The following HERC2 variants were observed in gnomAD, a reference collection of about 807,000 sequenced individuals.
HERC2 encodes the protein HECT and RLD domain containing E3 ubiquitin protein ligase 2.
A neutral mutation model predicts 537.7 loss-of-function variants in HERC2; 102 were observed. That is an observed-to-expected ratio of 0.19 (90% confidence interval 0.16 to 0.22). The LOEUF is 0.22. Ranked by LOEUF, HERC2 falls within the 10% of genes least tolerant of loss-of-function variation. The pLI, the probability that HERC2 is intolerant of heterozygous loss-of-function variation, is 1.00. For missense variants in HERC2, 4,236 were observed against 6,198.2 expected (o/e 0.68, Z 10.63); for synonymous variants, 2,224 against 2,466.2 (o/e 0.90, Z 2.91).
intron 23 of HERC2, among the ~76,000 whole-genome samples, chr15:28,240,315 G>T (rs976470107): frequency 6.6e-6 from 1 of 152,202 alleles, no homozygotes; most frequent in African/African-American, 2.4e-5. Context: ...CTACTCGGGA[G>T]GCTGAGGCAG....
intron 55 of HERC2, 177 bp downstream of exon 55, chr15:28,190,788 G>A: frequency 1.7e-6 from 1 of 604,956 alleles, no homozygotes; most frequent in Non-Finnish European, 2.9e-6. Context: ...GAACTGATAA[G>A]CAGCAAATTC....
chr15:28,144,000 A>G lies in HERC2; in HGVS notation c.11300-9T>C. The stretch of plus-strand genomic sequence containing the variant: ...CATTCTGTGACTGGCAGCTGAAATG[A>G]GCAGAGAGAAAGTATCAGAAGTCTG... On this transcript the variant is annotated splice_polypyrimidine_tract_variant and intron_variant, in intron 73 of 92. Coordinates refer to ENST00000261609, the MANE Select transcript of HERC2 (RefSeq NM_004667.6). The G allele has an allele frequency of 6.2e-7, 1 of 1,614,162 alleles. No individual in the cohort carries two copies. The highest frequency in any genetic ancestry group is 1.1e-5 in the South Asian group (1 of 91,082).
At position 28,167,732 on chromosome 15, in the gene HERC2, C is replaced by T; in HGVS notation, c.10509G>A (p.Leu3503=). The change falls in exon 68 of 93, where the codon CTG becomes CTA. Residue 3503 remains leucine, a synonymous_variant. Coordinates refer to ENST00000261609, the MANE Select transcript of HERC2 (RefSeq NM_004667.6). ...ARPFIPVTDD[L]GAASIIAETM... is the part of the protein sequence containing the mutation. Reference sequence around the variant, plus strand: ...TTTCTGCAATGATGCTTGCGGCTCCCAGGTCATCCGTCACTGGGATAAAAG... The same window carrying T: ...TTTCTGCAATGATGCTTGCGGCTCCTAGGTCATCCGTCACTGGGATAAAAG... 1.9e-6 allele frequency: 3 copies of T among 1,614,170 alleles called. No homozygotes were observed. The highest frequency in any genetic ancestry group is 2.5e-6 in the Non-Finnish European group (3 of 1,180,034).
At chr15:28,227,898 A>G (rs1485130115) in intron 35 of HERC2, among the ~76,000 whole-genome samples, 2 of 152,202 alleles carry the variant, frequency 1.3e-5, no homozygotes, top group African/African-American at 2.4e-5. Flanking sequence ...TGAAATATCC[A>G]GGATATGCAA....
rs140317570 is a variant in HERC2 at position 28,246,680 on chromosome 15, A to G, written c.3391+62T>C. 1.6e-4 allele frequency: 221 copies of G among 1,380,302 alleles called. No homozygotes were observed. The African/African-American group carries it at 3.0e-3, about 19-fold the overall frequency. The allele number at this position is 1,380,302 out of a possible 1,614,324, so 85.5% of individuals were successfully genotyped here. A position where few individuals can be genotyped will look rare whatever the true frequency, so the allele number is the denominator to read the frequency against. On this transcript the variant is annotated intron_variant, in intron 22 of 92. Transcript: ENST00000261609. Reference sequence around the variant, plus strand: ...GCAGGCATGCTGATCAGCAAAGAAGACACTTTAGCTTTCATCTATCTCCTA... The same window carrying G: ...GCAGGCATGCTGATCAGCAAAGAAGGCACTTTAGCTTTCATCTATCTCCTA...
At chr15:28,190,469 C>A (rs1896756475) in intron 55 of HERC2, 3 of 159,782 alleles carry the variant, frequency 1.9e-5, no homozygotes, top group Admixed American at 1.2e-4. Context: ...AGAACCTTCA[C>A]TGATTCTTTC....
rs1168531134 is a variant in HERC2 at position 28,141,469 on chromosome 15, C to T, written c.11978G>A (p.Gly3993Glu). Residue 3993 changes from glycine to glutamate, a missense_variant, in exon 78 of 93, where the codon GGG becomes GAG. By Grantham distance (98) the Gly-to-Glu change is moderately conservative. This residue lies in a region of HERC2 where 43 missense variants were observed against 82.6 expected (regional missense o/e 0.52). Coordinates refer to ENST00000261609, the MANE Select transcript of HERC2 (RefSeq NM_004667.6). ...ATLRPVQLIG[G>E]EQTLFAVTAD... Reference sequence around the variant, plus strand: ...CGTCACAGCAAAGAGGGTCTGTTCCCCTCCGATTAACTGCACGGGTCTGAG... The same window carrying T: ...CGTCACAGCAAAGAGGGTCTGTTCCTCTCCGATTAACTGCACGGGTCTGAG... 6.2e-7 allele frequency: 1 copy of T among 1,614,122 alleles called. No homozygotes were observed. Among genetic ancestry groups the T allele is most frequent in the Non-Finnish European group, 8.5e-7 (1 of 1,180,028 alleles).
Position 28,144,755 on chromosome 15 carries a change from C to T in HERC2, c.11058G>A (p.Glu3686=), listed in dbSNP as rs758928277. 4 of 1,614,100 alleles carry T rather than the reference C, an allele frequency of 2.5e-6. No homozygotes were observed. The South Asian group carries it at 4.4e-5, about 18-fold the overall frequency. The part of the protein sequence containing the change: ...WSSELRIPGD[E]LKWKFISDGS... ...CATCGCTGATGAACTTCCACTTTAA[C>T]TCATCCCCTGGGATGCGCAGCTCGC... Residue 3686 remains glutamate (E), a synonymous_variant, in exon 72 of 93, where the codon GAG becomes GAA. Coordinates refer to ENST00000261609, the MANE Select transcript of HERC2 (RefSeq NM_004667.6).
intron 55 of HERC2, among the ~76,000 whole-genome samples, chr15:28,188,422 T>G (rs1206294064): frequency 6.6e-6 from 1 of 151,866 alleles, no homozygotes; most frequent in African/African-American, 2.4e-5. Context: ...CAGGCGCCTA[T>G]AGTCCCAGCT....
At chr15:28,134,873 A>G (rs1259088928) in intron 79 of HERC2, among the ~76,000 whole-genome samples, 1 of 151,776 alleles carries the variant, frequency 6.6e-6, no homozygotes, top group African/African-American at 2.4e-5. Flanking sequence ...GGGTTTCATC[A>G]TATTGCCCAG....
intron 4 of HERC2, 41 bp from the exon 5 acceptor site, chr15:28,280,328 G>A: frequency 6.8e-7 from 1 of 1,475,880 alleles, no homozygotes; most frequent in South Asian, 1.2e-5. Flanking sequence ...TGTGGACAAT[G>A]TGGCCACAGT....
In HERC2 at chr15:28,111,685, G is replaced by GGCA. The variant is rs1887659639; in HGVS notation, c.*75_*77dup. On this transcript the variant is annotated 3_prime_UTR_variant, in exon 93 of 93. Transcript: ENST00000261609. ...CGGACGCTTCTCATCAGACACACCAGGCAGCCTACAGTCTACACAGCAGCG... is the reference window on the plus strand; with the variant it reads ...CGGACGCTTCTCATCAGACACACCAGGCAGCAGCCTACAGTCTACACAGCAGCG... The GGCA allele has an allele frequency of 2.0e-6, 3 of 1,484,748 alleles. No individual in the cohort carries two copies. In the South Asian group the frequency reaches 3.8e-5, roughly 19 times the overall value. The allele number at this position is 1,484,748 out of a possible 1,614,324, so 92.0% of individuals were successfully genotyped here.
Position 28,272,978 on chromosome 15 carries a change from T to G in HERC2, c.827A>C (p.Lys276Thr). 1 of 1,612,526 alleles carries G rather than the reference T, an allele frequency of 6.2e-7. No homozygotes were observed. Among genetic ancestry groups the G allele is most frequent in the Non-Finnish European group, 8.5e-7 (1 of 1,180,020 alleles). Residue 276 changes from lysine to threonine, a missense_variant, in exon 8 of 93, where the codon AAA becomes ACA. By Grantham distance (78) the Lys-to-Thr change is moderately conservative. Coordinates refer to ENST00000261609, the MANE Select transcript of HERC2 (RefSeq NM_004667.6). ...CTGCAGGGGGATGCTTCCTGGCCCTTTGGTGGCTGGCGTTCCGTGAACATC... is the reference window on the plus strand; with the variant it reads ...CTGCAGGGGGATGCTTCCTGGCCCTGTGGTGGCTGGCGTTCCGTGAACATC... ...TGDVHGTPAT[K>T]GPGSIPLQDQ...
intron 17 of HERC2, 142 bp downstream of exon 17, chr15:28,256,919 G>A (rs117504827): frequency 0.021 from 15,893 of 745,096 alleles, 229 homozygotes; most frequent in Admixed American, 0.029. Flanking sequence ...TAAGACTCGC[G>A]TCCATTATTA....
At chr15:28,287,740 G>GTTTTTTTTTTTTTTTT (rs1461307820) in intron 4 of HERC2, among the ~76,000 whole-genome samples, 7 of 141,044 alleles carry the variant, frequency 5.0e-5, no homozygotes, top group Non-Finnish European at 6.0e-5. Flanking sequence ...TTTTTTTTTG[G>GTTTTTTTTTTTTTTTT]TTTGAGATGG....
chr15:28,132,651 A>C lies in HERC2; in HGVS notation c.12408+2T>G, dbSNP rs775934338. 1.3e-6 allele frequency: 2 copies of C among 1,509,228 alleles called. No individual in the cohort carries two copies. The allele number at this position is 1,509,228 out of a possible 1,614,324, so 93.5% of individuals were successfully genotyped here. A position where few individuals can be genotyped will look rare whatever the true frequency, so the allele number is the denominator to read the frequency against. On this transcript the variant is annotated splice_donor_variant, in intron 80 of 92. Coordinates refer to ENST00000261609, the MANE Select transcript of HERC2 (RefSeq NM_004667.6). LOFTEE classifies it high-confidence loss of function. ...CGGCCTCTGCACACGGCGCCTCCTC[A>C]CCAGCTTCGGCTTCAGCTGGTCCTC...
chr15:28,304,649 C>A (rs2076729812), intron 2 of HERC2, among the ~76,000 whole-genome samples: 2 of 151,882 alleles, frequency 1.3e-5, no homozygotes, highest in Non-Finnish European at 2.9e-5. Context: ...CAGGTGTGAG[C>A]CACTGCACCC....
chr15:28,314,667 C>T (rs1398550008), intron 2 of HERC2, among the ~76,000 whole-genome samples: 2 of 151,154 alleles, frequency 1.3e-5, no homozygotes, highest in African/African-American at 4.9e-5. Context: ...CCAGCCTGGC[C>T]AACATGATGA....
rs749335195 is a variant in HERC2, at chr15:28,141,603, A to G, written c.11844T>C (p.Ala3948=). ...NRRPDDWTLS[A]GGSGTIYGWG... ...ATCCATAAATTGTTCCACTGCCACC[A>G]GCAGAGAGAGTCCAGTCATCTGGTC... Residue 3948 remains alanine (A), a synonymous_variant, in exon 78 of 93, where the codon GCT becomes GCC. Coordinates refer to ENST00000261609, the MANE Select transcript of HERC2 (RefSeq NM_004667.6). 2.5e-6 allele frequency: 4 copies of G among 1,614,032 alleles called. No individual in the cohort carries two copies. In the East Asian group the frequency reaches 8.9e-5, roughly 36 times the overall value.
Sources: gnomAD v4.1 joint callset for allele counts (sites outside exome capture counted in the v4.1 genomes callset) on GRCh38, gnomAD v4.1.1 for gene constraint, gnomAD v4.1.1 regional missense constraint, MANE v1.5 for transcripts, NCBI Gene and HGNC (gene_info 2026-07-23, HGNC 2026-07-21) for gene names.